Variants in PACRGL observed in about 807,000 individuals in gnomAD.
The protein encoded by PACRGL is parkin coregulated like, also known as PACRG-like protein.
PACRGL carries 38 observed loss-of-function variants against 34.5 expected under a neutral mutation model. That is an observed-to-expected ratio of 1.10 (90% confidence interval 0.85 to 1.44). The LOEUF is 1.44. Among genes scored for constraint, PACRGL ranks in the 40% most tolerant of loss-of-function variants. The probability of loss-of-function intolerance (pLI) is 0.00; values close to 1 mark genes in which losing one functional copy is unlikely to be tolerated. For synonymous variants in PACRGL, 128 were observed against 100.1 expected, an observed-to-expected ratio of 1.28 and a Z score of -1.66; for missense variants, 305 against 281.4, an observed-to-expected ratio of 1.08 and a Z score of -0.60.
chr4:20,713,239 G>A (rs372007011), intron 6 of PACRGL, 193 bp from the exon 7 acceptor site: 1 of 579,488 alleles, frequency 1.7e-6, no homozygotes, highest in Non-Finnish European at 3.0e-6. Context: ...TGGAAAATTT[G>A]TTTTTTGCTT....
chr4:20,765,710 A>G, the PACRGL span, among the ~76,000 whole-genome samples: 2 of 152,206 alleles, frequency 1.3e-5, no homozygotes, highest in African/African-American at 2.4e-5. Flanking sequence ...TGACCATTGC[A>G]TTTCTTTCAT....
intron 7 of PACRGL, among the ~76,000 whole-genome samples, chr4:20,721,829 A>T (rs554443443): frequency 9.2e-5 from 14 of 152,334 alleles, no homozygotes; most frequent in African/African-American, 3.4e-4. Context: ...CCGTGCTGGG[A>T]GAACCACTAC....
At chr4:20,723,758 A>T (rs183354909) in intron 7 of PACRGL, among the ~76,000 whole-genome samples, 1 of 152,146 alleles carries the variant, frequency 6.6e-6, no homozygotes, top group Non-Finnish European at 1.5e-5. Context: ...ACGGGTATCT[A>T]GCTTTCCTGG....
In PACRGL at chr4:20,732,270, A is replaced by G. The variant is rs1426073670; in HGVS notation, c.*4929A>G. Among the ~76,000 whole-genome samples the G allele has an allele frequency of 6.6e-6, 1 of 152,196 alleles. No homozygotes were observed. Among genetic ancestry groups the G allele is most frequent in the Non-Finnish European group, 1.5e-5 (1 of 68,026 alleles). On this transcript the variant is annotated 3_prime_UTR_variant, in exon 9 of 9. Transcript: ENST00000503585. ...TGCTTCTGGCTTTTCCCTTTTCAAT[A>G]TAATGTGGTGAAGATGTAGAGTCAC...
chr4:20,756,172 T>TAAA (rs61417409), downstream of PACRGL, among the ~76,000 whole-genome samples: 85 of 139,308 alleles, frequency 6.1e-4, no homozygotes, highest in African/African-American at 9.7e-4. Flanking sequence ...TGGAAAGTAG[T>TAAA]AAAAAAAAAA....
downstream of PACRGL, among the ~76,000 whole-genome samples, chr4:20,735,518 G>GTT (rs754949562): frequency 8.8e-4 from 115 of 130,760 alleles, no homozygotes; most frequent in African/African-American, 2.5e-3. Flanking sequence ...TTCATTTAGT[G>GTT]TTTTTTTTTT....
At chr4:20,711,969 T>C (rs556563002) in intron 5 of PACRGL, among the ~76,000 whole-genome samples, 2 of 152,122 alleles carry the variant, frequency 1.3e-5, no homozygotes, top group Non-Finnish European at 1.5e-5. Context: ...TAGGAACTTA[T>C]TAAGTCATAA....
chr4:20,729,817 A>ATGCCAGATTCTATT lies in PACRGL; in HGVS notation c.*2477_*2490dup, dbSNP rs1305273945. The ATGCCAGATTCTATT allele has an allele frequency of 2.9e-6, 1 of 345,722 alleles. No individual in the cohort carries two copies. Among genetic ancestry groups the ATGCCAGATTCTATT allele is most frequent in the Non-Finnish European group, 5.2e-6 (1 of 192,138 alleles). 21.4% of individuals were successfully genotyped at this position (345,722 alleles called of 1,614,324 possible). Reference sequence around the variant, plus strand: ...ATGGCTAAGGAACCAATAAAACTATATGCCAGATTCTATTACTTTTGAATA... The same window carrying ATGCCAGATTCTATT: ...ATGGCTAAGGAACCAATAAAACTATATGCCAGATTCTATTTGCCAGATTCTATTACTTTTGAATA... On this transcript the variant is annotated 3_prime_UTR_variant, in exon 9 of 9. Transcript: ENST00000503585.
At position 20,731,734 on chromosome 4, in the gene PACRGL, ACT is replaced by A. The variant is rs2149260377; in HGVS notation, c.*4398_*4399del. The A allele has an allele frequency of 1.0e-6, 1 of 985,294 alleles. No homozygotes were observed. Among genetic ancestry groups the A allele is most frequent in the Non-Finnish European group, 1.2e-6 (1 of 829,884 alleles). 61.0% of individuals were successfully genotyped at this position (985,294 alleles called of 1,614,324 possible). A position where few individuals can be genotyped will look rare whatever the true frequency, so the allele number is the denominator to read the frequency against. ...CATGTATGTTTTATCCTCCATGAATACTCTCTAAGGAATTTGGGAATCAACAC... is the reference window on the plus strand; with the variant it reads ...CATGTATGTTTTATCCTCCATGAATACTCTAAGGAATTTGGGAATCAACAC... On this transcript the variant is annotated 3_prime_UTR_variant, in exon 9 of 9. Coordinates refer to ENST00000503585, the MANE Select transcript of PACRGL (RefSeq NM_001258345.3).
At position 20,747,825 on chromosome 4, in the gene PACRGL, G is replaced by A. The variant is rs146209719; in HGVS notation, c.*57-4740G>A. Among the ~76,000 whole-genome samples, 352 of 152,150 alleles carry A rather than the reference G, an allele frequency of 2.3e-3. 8 individuals carry two copies. The South Asian group carries it at 0.046, about 20-fold the overall frequency. On this transcript the variant is annotated intron_variant, in intron 8 of 8. Coordinates refer to the PACRGL transcript ENST00000507634. ...GTTCATCCTGCCCCTGTGGTGACTG[G>A]CTGGATGACATTGCAGAAAGCTGCA...
At chr4:20,732,618 TGGCA>T, downstream of PACRGL, 1 of 1,006,654 alleles carries the variant, frequency 9.9e-7, no homozygotes, top group South Asian at 1.3e-5. Flanking sequence ...TCGTGGTGCA[TGGCA>T]AACATCAGGA....
intron 8 of PACRGL, among the ~76,000 whole-genome samples, chr4:20,739,451 A>G (rs572239654): frequency 6.6e-6 from 1 of 152,298 alleles, no homozygotes; most frequent in African/African-American, 2.4e-5. Context: ...CCAGGCAAAC[A>G]GGGTCTGGAG....
At chr4:20,725,243 C>T (rs1304303239) in intron 8 of PACRGL, among the ~76,000 whole-genome samples, 1 of 152,036 alleles carries the variant, frequency 6.6e-6, no homozygotes, top group East Asian at 1.9e-4. Flanking sequence ...ATTAACTTAG[C>T]TCTTTGAGGA....
At chr4:20,717,848 T>C (rs1450163159) in intron 7 of PACRGL, among the ~76,000 whole-genome samples, 1 of 146,608 alleles carries the variant, frequency 6.8e-6, no homozygotes, top group African/African-American at 2.5e-5. Flanking sequence ...AACTTTAAAG[T>C]AGTTCTTTTC....
downstream of PACRGL, among the ~76,000 whole-genome samples, chr4:20,733,689 TA>T (rs1325740223): frequency 6.6e-6 from 1 of 152,166 alleles, no homozygotes; most frequent in Non-Finnish European, 1.5e-5. Context: ...AGTATCTGGG[TA>T]ATAAATATTC....
intron 3 of PACRGL, among the ~76,000 whole-genome samples, chr4:20,706,710 G>A (rs2149061203): frequency 6.6e-6 from 1 of 152,100 alleles, no homozygotes; most frequent in African/African-American, 2.4e-5. Context: ...CGAGTAGCTG[G>A]GACTACAGGC....
At chr4:20,720,341 T>A (rs1483505042) in intron 7 of PACRGL, among the ~76,000 whole-genome samples, 1 of 152,204 alleles carries the variant, frequency 6.6e-6, no homozygotes, top group African/African-American at 2.4e-5. Context: ...TTAAGGTTAG[T>A]ATTGTTTTGT....
At chr4:20,737,813 C>G (rs1694562820) in intron 8 of PACRGL, among the ~76,000 whole-genome samples, 1 of 152,120 alleles carries the variant, frequency 6.6e-6, no homozygotes, top group African/African-American at 2.4e-5. Context: ...TAATGACAGC[C>G]CTTGGAGGTA....
At chr4:20,712,637 A>T (rs1737855552) in intron 5 of PACRGL, 151 bp from the exon 6 acceptor site, 1 of 734,020 alleles carries the variant, frequency 1.4e-6, no homozygotes, top group Non-Finnish European at 2.0e-6. Flanking sequence ...TTCTCAATGT[A>T]ATTGAAATTG....
Sources: allele counts gnomAD v4.1 joint callset (sites outside exome capture counted in the v4.1 genomes callset), GRCh38; gene constraint gnomAD v4.1.1; transcripts MANE v1.5; gene names NCBI Gene and HGNC (gene_info 2026-07-23, HGNC 2026-07-21).